Variants in SKAP1 observed in about 807,000 individuals in gnomAD.
SKAP1 encodes src kinase associated phosphoprotein 1.
In SKAP1, 44 loss-of-function variants were observed where a neutral mutation model predicts 58.5. The observed-to-expected ratio is 0.75, with a 90% confidence interval of 0.59 to 0.97. SKAP1 has a LOEUF of 0.97. Among genes scored for constraint, SKAP1 ranks in the 50% least tolerant of loss-of-function variants. SKAP1 has a pLI of 0.00. For synonymous variants in SKAP1, 127 were observed against 149.7 expected (o/e 0.85, Z 1.11); for missense variants, 390 against 435.2 (o/e 0.90, Z 0.92).
At position 48,224,064 on chromosome 17, in the gene SKAP1, GGAGAAGGAGGAGGAGGAGGAGGAA is replaced by G. The variant is rs1267262867; in HGVS notation, c.281-34588_281-34565del. On this transcript the variant is annotated intron_variant, in intron 4 of 12. Coordinates refer to ENST00000336915, the MANE Select transcript of SKAP1 (RefSeq NM_003726.4). ...AGGAGGAGGAGGAGGAGGAGGAGGAGGAGAAGGAGGAGGAGGAGGAGGAAGAGGAGGAGGAGGAGGAGGAGGAGG... is the reference window on the plus strand; with the variant it reads ...AGGAGGAGGAGGAGGAGGAGGAGGAGGAGGAGGAGGAGGAGGAGGAGGAGG... Among the ~76,000 whole-genome samples the G allele has an allele frequency of 4.3e-3, 241 of 55,526 alleles. 13 individuals carry two copies. Among genetic ancestry groups the G allele is most frequent in the African/African-American group, 0.01 (147 of 14,334 alleles). 36.4% of individuals were successfully genotyped at this position (55,526 alleles called of 152,430 possible). A position where few individuals can be genotyped will look rare whatever the true frequency, so the allele number is the denominator to read the frequency against.
intron 4 of SKAP1, among the ~76,000 whole-genome samples, chr17:48,205,017 T>TTTCTTTCTTTCTTTC (rs1567819931): frequency 3.9e-5 from 1 of 25,508 alleles, no homozygotes; most frequent in Non-Finnish European, 7.4e-5. Flanking sequence ...TTCTTTCTTT[T>TTTCTTTCTTTCTTTC]TCTTTCTTTC....
At chr17:48,247,544 A>G (rs1166022520) in intron 4 of SKAP1, among the ~76,000 whole-genome samples, 11 of 152,118 alleles carry the variant, frequency 7.2e-5, no homozygotes, top group Admixed American at 5.9e-4. Flanking sequence ...GTCTTTTCCT[A>G]CCTCACAAAA....
chr17:48,208,736 T>C (rs2064837430), intron 4 of SKAP1, among the ~76,000 whole-genome samples: 1 of 152,234 alleles, frequency 6.6e-6, no homozygotes, highest in Admixed American at 6.5e-5. Flanking sequence ...TACAAATCCT[T>C]ATTTCCAGGG....
chr17:48,407,657 G>A (rs1238332610), intron 1 of SKAP1, among the ~76,000 whole-genome samples: 2 of 152,090 alleles, frequency 1.3e-5, no homozygotes, highest in Admixed American at 1.3e-4. Context: ...CCAGGGGTTC[G>A]AGACCAGCGT....
At chr17:48,341,867 T>C (rs2066657677) in intron 4 of SKAP1, among the ~76,000 whole-genome samples, 1 of 152,218 alleles carries the variant, frequency 6.6e-6, no homozygotes. Flanking sequence ...AATTAGAACG[T>C]AAACATATAT....
At chr17:48,425,083 C>A (rs372514861) in intron 1 of SKAP1, among the ~76,000 whole-genome samples, 2 of 152,046 alleles carry the variant, frequency 1.3e-5, no homozygotes. Flanking sequence ...CATAGTGAAA[C>A]CCTGTCTCTA....
At chr17:48,267,408 CA>C (rs976206344) in intron 4 of SKAP1, among the ~76,000 whole-genome samples, 1 of 152,136 alleles carries the variant, frequency 6.6e-6, no homozygotes, top group African/African-American at 2.4e-5. Flanking sequence ...ATTAAACACA[CA>C]CACACACTTT....
the SKAP1 span, among the ~76,000 whole-genome samples, chr17:48,439,463 G>A: frequency 6.6e-6 from 1 of 152,196 alleles, no homozygotes; most frequent in Non-Finnish European, 1.5e-5. Flanking sequence ...CAATGGTGTG[G>A]AAATAATTGT....
intron 11 of SKAP1, among the ~76,000 whole-genome samples, chr17:48,161,960 ATTAT>A (rs771047550): frequency 4.4e-4 from 67 of 151,656 alleles, no homozygotes; most frequent in Non-Finnish European, 1.3e-4. Context: ...TATTATTTTT[ATTAT>A]TTATTTATTT....
chr17:48,430,989 G>A (rs1279634696), upstream of SKAP1, among the ~76,000 whole-genome samples: 1 of 152,198 alleles, frequency 6.6e-6, no homozygotes, highest in Non-Finnish European at 1.5e-5. Flanking sequence ...TACCCTTGGG[G>A]GAAACTGGGT....
chr17:48,356,782 CTCTT>C (rs745694605), intron 3 of SKAP1, among the ~76,000 whole-genome samples: 15 of 152,244 alleles, frequency 9.9e-5, no homozygotes, highest in Non-Finnish European at 2.1e-4. Context: ...AGAATATTCT[CTCTT>C]TCATTCATAT....
intron 4 of SKAP1, among the ~76,000 whole-genome samples, chr17:48,230,725 G>A (rs961051419): frequency 2.0e-5 from 3 of 152,066 alleles, no homozygotes; most frequent in Non-Finnish European, 2.9e-5. Context: ...CCACTGCACT[G>A]CAGCTTGGGT....
chr17:48,153,296 C>CT (rs1243121956), intron 11 of SKAP1, among the ~76,000 whole-genome samples: 3 of 152,126 alleles, frequency 2.0e-5, no homozygotes, highest in Non-Finnish European at 2.9e-5. Flanking sequence ...CCCTTTTGTC[C>CT]TCTCTTGGAA....
At chr17:48,435,084 G>A (rs190920046), upstream of SKAP1, among the ~76,000 whole-genome samples, 561 of 152,204 alleles carry the variant, frequency 3.7e-3, 3 homozygotes, top group Non-Finnish European at 5.4e-3. Flanking sequence ...CCAGGAGTTC[G>A]AGGTTGCCGT....
At chr17:48,332,612 T>G (rs1195469013) in intron 4 of SKAP1, among the ~76,000 whole-genome samples, 2 of 152,126 alleles carry the variant, frequency 1.3e-5, no homozygotes, top group African/African-American at 4.8e-5. Flanking sequence ...AGTCAATACC[T>G]CATATCAAGA....
chr17:48,282,610 C>T (rs558395047), intron 4 of SKAP1, among the ~76,000 whole-genome samples: 2 of 152,026 alleles, frequency 1.3e-5, no homozygotes, highest in Admixed American at 6.6e-5. Context: ...CTCAGCTCTA[C>T]GAAAAAGTAA....
chr17:48,371,361 C>T (rs1354508115), intron 2 of SKAP1, among the ~76,000 whole-genome samples: 1 of 152,054 alleles, frequency 6.6e-6, no homozygotes, highest in African/African-American at 2.4e-5. Flanking sequence ...GAATCTAAAT[C>T]AACAGATTGC....
intron 4 of SKAP1, among the ~76,000 whole-genome samples, chr17:48,263,188 AC>A (rs1314551924): frequency 6.6e-6 from 1 of 152,222 alleles, no homozygotes; most frequent in Non-Finnish European, 1.5e-5. Flanking sequence ...GTCATTAACT[AC>A]CAGCAGGTGG....
At chr17:48,336,927 T>C (rs1401200222) in intron 4 of SKAP1, among the ~76,000 whole-genome samples, 9 of 152,180 alleles carry the variant, frequency 5.9e-5, no homozygotes, top group Admixed American at 3.3e-4. Context: ...GGTATTATAA[T>C]GAGACAACAT....
Sources: gnomAD v4.1 joint callset for allele counts (sites outside exome capture counted in the v4.1 genomes callset) on GRCh38, gnomAD v4.1.1 for gene constraint, MANE v1.5 for transcripts, NCBI Gene and HGNC (gene_info 2026-07-23, HGNC 2026-07-21) for gene names.